KCNK5: variants seen among roughly 807,000 people sequenced by gnomAD.
KCNK5 encodes the protein potassium channel subfamily K member 5.
KCNK5 carries 18 observed loss-of-function variants against 32.9 expected under a neutral mutation model. The ratio of observed to expected loss-of-function variants is 0.55; its 90% confidence interval spans 0.38 to 0.81. The LOEUF is 0.81. Among genes scored for constraint, KCNK5 ranks in the 30% least tolerant of loss-of-function variants. The pLI, the probability that KCNK5 is intolerant of heterozygous loss-of-function variation, is 0.00. For missense variants in KCNK5, 507 were observed against 651.0 expected (o/e 0.78, Z 2.41); for synonymous variants, 276 against 275.3 (o/e 1.00, Z -0.03).
intron 1 of KCNK5, among the ~76,000 whole-genome samples, chr6:39,201,170 CATGGGTTA>C (rs999971433): frequency 2.2e-4 from 34 of 152,214 alleles, no homozygotes; most frequent in African/African-American, 3.6e-4. Flanking sequence ...GTCAGTGGTT[CATGGGTTA>C]ATGGGTTAAT....
At chr6:39,209,502 T>C (rs915278671) in intron 1 of KCNK5, among the ~76,000 whole-genome samples, 1 of 152,062 alleles carries the variant, frequency 6.6e-6, no homozygotes, top group African/African-American at 2.4e-5. Flanking sequence ...GCCCTCCTAG[T>C]ACAGAGAGGC....
intron 1 of KCNK5, among the ~76,000 whole-genome samples, chr6:39,216,137 T>C (rs1254523761): frequency 6.6e-6 from 1 of 152,038 alleles, no homozygotes; most frequent in Non-Finnish European, 1.5e-5. Flanking sequence ...ACAAAAAAAT[T>C]TGCAGGGTGT....
At chr6:39,207,110 TGCCTTTGCAGGTGCCTTCCTGCA>T (rs1771240472) in intron 1 of KCNK5, among the ~76,000 whole-genome samples, 1 of 152,190 alleles carries the variant, frequency 6.6e-6, no homozygotes, top group Non-Finnish European at 1.5e-5. Context: ...CACCCCCCTG[TGCCTTTGCAGGTGCCTTCCTGCA>T]GCTCACTCTT....
intron 1 of KCNK5, among the ~76,000 whole-genome samples, chr6:39,212,515 T>A (rs1459973237): frequency 6.6e-6 from 1 of 152,180 alleles, no homozygotes; most frequent in Non-Finnish European, 1.5e-5. Flanking sequence ...TTACAAACAG[T>A]CCTGTGCTGT....
At chr6:39,197,855 G>C (rs2815100) in intron 1 of KCNK5, among the ~76,000 whole-genome samples, 1 of 152,088 alleles carries the variant, frequency 6.6e-6, no homozygotes, top group Admixed American at 6.5e-5. Context: ...CTGATCACAG[G>C]TGAGGCTGCA....
At chr6:39,215,708 T>C (rs1450980703) in intron 1 of KCNK5, among the ~76,000 whole-genome samples, 3 of 152,170 alleles carry the variant, frequency 2.0e-5, no homozygotes, top group Admixed American at 6.5e-5. Flanking sequence ...GGAAACCAAA[T>C]GAGTGGATGT....
chr6:39,218,409 G>A (rs918856459), intron 1 of KCNK5, among the ~76,000 whole-genome samples: 1 of 152,150 alleles, frequency 6.6e-6, no homozygotes, highest in Admixed American at 6.5e-5. Context: ...AAGTGAGAAT[G>A]ACCCAGAGAA....
chr6:39,223,997 T>C (rs149638472), intron 1 of KCNK5, among the ~76,000 whole-genome samples: 61 of 152,266 alleles, frequency 4.0e-4, no homozygotes, highest in African/African-American at 1.4e-3. Context: ...TCCTAAGGGT[T>C]CTAGTCAAAC....
chr6:39,212,917 T>G (rs1771367114), intron 1 of KCNK5, among the ~76,000 whole-genome samples: 1 of 152,190 alleles, frequency 6.6e-6, no homozygotes, highest in African/African-American at 2.4e-5. Flanking sequence ...AAGAACGAAC[T>G]AGGCTCGAAA....
rs1770879398 is a variant in KCNK5 at position 39,189,378 on chromosome 6, T to C, written c.*1512A>G. The C allele has an allele frequency of 6.6e-6, 1 of 152,512 alleles. No homozygotes were observed. The highest frequency in any genetic ancestry group is 6.5e-5 in the Admixed American group (1 of 15,280). 9.4% of individuals were successfully genotyped at this position (152,512 alleles called of 1,614,324 possible). A position where few individuals can be genotyped will look rare whatever the true frequency, so the allele number is the denominator to read the frequency against. On this transcript the variant is annotated 3_prime_UTR_variant, in exon 5 of 5. Coordinates refer to ENST00000359534, the MANE Select transcript of KCNK5 (RefSeq NM_003740.4). ...TCAGTGTCCCCTTCTCCACCTCTGC[T>C]TGGGGACATGGCCCTTGACATCATG...
At chr6:39,221,378 A>G (rs955098658) in intron 1 of KCNK5, among the ~76,000 whole-genome samples, 1 of 152,180 alleles carries the variant, frequency 6.6e-6, no homozygotes, top group Admixed American at 6.5e-5. Context: ...CAAGTCAACA[A>G]GAGGGATTCA....
rs1053924439 is a variant in KCNK5, at chr6:39,193,976, G to C, written c.634+193C>G. Among the ~76,000 whole-genome samples, 13 of 152,330 alleles carry C rather than the reference G, an allele frequency of 8.5e-5. 1 individual carries two copies. In the South Asian group the frequency reaches 2.5e-3, roughly 29 times the overall value. The stretch of plus-strand genomic sequence containing the variant: ...AGGCCATGTCTGAGAAAGGGAACCA[G>C]AGAGAAAAGAGTTTTTTGTCATTAC... On this transcript the variant is annotated intron_variant, in intron 4 of 4. Transcript: ENST00000359534.
intron 1 of KCNK5, among the ~76,000 whole-genome samples, chr6:39,199,075 C>A (rs758091606): frequency 6.6e-6 from 1 of 152,124 alleles, no homozygotes; most frequent in Non-Finnish European, 1.5e-5. Flanking sequence ...GGAATCCCTG[C>A]CCTCCTCTTA....
intron 1 of KCNK5, among the ~76,000 whole-genome samples, chr6:39,206,206 C>T (rs1235642257): frequency 2.0e-5 from 3 of 152,170 alleles, no homozygotes; most frequent in Admixed American, 6.5e-5. Context: ...ACTTGCCACC[C>T]GGAACTGGGC....
chr6:39,201,823 G>T (rs957262179), intron 1 of KCNK5, among the ~76,000 whole-genome samples: 3 of 152,178 alleles, frequency 2.0e-5, no homozygotes, highest in African/African-American at 7.2e-5. Flanking sequence ...CTCACAAAAT[G>T]CCAGTACCCT....
intron 1 of KCNK5, among the ~76,000 whole-genome samples, chr6:39,225,667 T>C (rs1771659945): frequency 6.6e-6 from 1 of 152,208 alleles, no homozygotes; most frequent in African/African-American, 2.4e-5. Flanking sequence ...CCATTACCTG[T>C]GCTAGGGGAA....
intron 4 of KCNK5, among the ~76,000 whole-genome samples, chr6:39,192,752 G>T (rs947939971): frequency 3.9e-5 from 6 of 152,014 alleles, no homozygotes; most frequent in African/African-American, 1.2e-4. Context: ...AGCTCTGAAG[G>T]TTCCCCCTAC....
chr6:39,205,204 G>C (rs945225834), intron 1 of KCNK5, among the ~76,000 whole-genome samples: 9 of 152,178 alleles, frequency 5.9e-5, no homozygotes, highest in Non-Finnish European at 1.2e-4. Flanking sequence ...GGAGGGCTGA[G>C]CTGATCAGTG....
chr6:39,198,692 G>A (rs946632452), intron 1 of KCNK5, among the ~76,000 whole-genome samples: 7 of 152,194 alleles, frequency 4.6e-5, no homozygotes, highest in Admixed American at 3.9e-4. Flanking sequence ...GTCTATCCAG[G>A]GCTGGGAGGT....
Sources: gnomAD v4.1 joint callset for allele counts (sites outside exome capture counted in the v4.1 genomes callset) on GRCh38, gnomAD v4.1.1 for gene constraint, MANE v1.5 for transcripts, NCBI Gene and HGNC (gene_info 2026-07-23, HGNC 2026-07-21) for gene names.